Variants in GRID2 observed in about 807,000 individuals in gnomAD.
GRID2 encodes the protein glutamate ionotropic receptor delta type subunit 2.
In GRID2, 33 loss-of-function variants were observed where a neutral mutation model predicts 114.8. The ratio of observed to expected loss-of-function variants is 0.29; its 90% CI spans 0.22 to 0.38. GRID2 has a LOEUF of 0.38. Among genes scored for constraint, GRID2 ranks in the 10% least tolerant of loss-of-function variants. The pLI is 1.00. For missense variants in GRID2, 1,184 were observed against 1,257.7 expected (o/e 0.94, Z 0.89); for synonymous variants, 505 against 449.9 (o/e 1.12, Z -1.55).
intron 2 of GRID2, among the ~76,000 whole-genome samples, chr4:92,633,462 T>C (rs1356318767): frequency 6.6e-6 from 1 of 152,188 alleles, no homozygotes; most frequent in Non-Finnish European, 1.5e-5. Flanking sequence ...ATTTTCATTT[T>C]GTTAGATAGC....
intron 1 of GRID2, among the ~76,000 whole-genome samples, chr4:93,783,599 A>C (rs1734525119): frequency 6.6e-6 from 1 of 152,202 alleles, no homozygotes; most frequent in African/African-American, 2.4e-5. Flanking sequence ...GGAGCTTAGA[A>C]AACACAAACA....
At chr4:93,405,013 T>A (rs1389300237) in intron 9 of GRID2, among the ~76,000 whole-genome samples, 1 of 152,100 alleles carries the variant, frequency 6.6e-6, no homozygotes, top group African/African-American at 2.4e-5. Flanking sequence ...GAAGGTAATA[T>A]TGTATGATGT....
At chr4:92,414,165 C>T (rs867325019) in intron 1 of GRID2, among the ~76,000 whole-genome samples, 4 of 152,140 alleles carry the variant, frequency 2.6e-5, no homozygotes, top group South Asian at 2.1e-4. Flanking sequence ...TTGTATCTTA[C>T]TGTCTGAGAC....
chr4:93,279,918 A>C (rs564047435), intron 8 of GRID2, among the ~76,000 whole-genome samples: 1 of 152,066 alleles, frequency 6.6e-6, no homozygotes, highest in East Asian at 1.9e-4. Flanking sequence ...TGTATGCGAA[A>C]CTGCGGAGTT....
intron 14 of GRID2, among the ~76,000 whole-genome samples, chr4:93,758,308 C>A (rs1293516078): frequency 6.6e-6 from 1 of 152,190 alleles, no homozygotes; most frequent in Non-Finnish European, 1.5e-5. Flanking sequence ...ATCTAACTCA[C>A]TCCTGGCTGA....
At position 92,565,650 on chromosome 4, in the gene GRID2, G is replaced by C. The variant is rs554668543; in HGVS notation, c.89-24481G>C. Among the ~76,000 whole-genome samples, 5 of 151,972 alleles carry C rather than the reference G, an allele frequency of 3.3e-5. 1 individual carries two copies. In the East Asian group the frequency reaches 9.7e-4, roughly 29 times the overall value. ...TATCTGACTTCAGTTTCTACTACTA[G>C]TTCCTAACGCAGCGGTACAGTTCCT... On this transcript the variant is annotated intron_variant, in intron 1 of 15. Transcript: ENST00000282020.
At chr4:92,758,486 A>G (rs1737836709) in intron 2 of GRID2, among the ~76,000 whole-genome samples, 1 of 152,044 alleles carries the variant, frequency 6.6e-6, no homozygotes, top group Non-Finnish European at 1.5e-5. Context: ...TTTTGAGTCA[A>G]ATAGGCCTGA....
intron 13 of GRID2, among the ~76,000 whole-genome samples, chr4:93,559,939 G>T (rs752422110): frequency 6.6e-6 from 1 of 152,036 alleles, no homozygotes; most frequent in Admixed American, 6.6e-5. Context: ...GGACATAGAT[G>T]AAGCTGGAAA....
chr4:92,956,533 A>G (rs1351266364), intron 2 of GRID2, among the ~76,000 whole-genome samples: 1 of 151,738 alleles, frequency 6.6e-6, no homozygotes, highest in Non-Finnish European at 1.5e-5. Context: ...ATAATATTCC[A>G]CTCTCTAGAT....
At chr4:92,917,751 A>ACCCTTGTAGT (rs1395849540) in intron 2 of GRID2, among the ~76,000 whole-genome samples, 4 of 152,126 alleles carry the variant, frequency 2.6e-5, no homozygotes, top group Non-Finnish European at 4.4e-5. Flanking sequence ...TGGTTACTGT[A>ACCCTTGTAGT]CCCTTGTAGT....
chr4:93,751,124 A>G (rs971776992), intron 14 of GRID2, among the ~76,000 whole-genome samples: 6 of 152,230 alleles, frequency 3.9e-5, no homozygotes, highest in Admixed American at 6.5e-5. Flanking sequence ...ATGCACTGAC[A>G]TTATCAATAA....
rs1431240633 is a variant in GRID2 at position 93,601,362 on chromosome 4, A to G, written c.2194-24907A>G. The stretch of plus-strand genomic sequence containing the variant: ...ATCATATCCTACCCAACATAAATAC[A>G]TGGGTGTCCTGGAACATGTCCCATT... On this transcript the variant is annotated intron_variant, in intron 13 of 15. Transcript: ENST00000282020. 3.3e-5 allele frequency among the ~76,000 whole-genome samples: 5 copies of G among 152,154 alleles called. No individual in the cohort carries two copies. The South Asian group carries it at 1.0e-3, about 31-fold the overall frequency.
At chr4:92,777,911 G>C (rs112009647) in intron 2 of GRID2, among the ~76,000 whole-genome samples, 3 of 152,134 alleles carry the variant, frequency 2.0e-5, no homozygotes, top group African/African-American at 7.2e-5. Flanking sequence ...GTGGTATTGG[G>C]TATTTTGTTA....
intron 2 of GRID2, among the ~76,000 whole-genome samples, chr4:92,639,085 C>T (rs1731220709): frequency 1.3e-5 from 2 of 151,316 alleles, no homozygotes; most frequent in Non-Finnish European, 3.0e-5. Flanking sequence ...TGAAACTCTT[C>T]CCTCATAATT....
At chr4:93,411,969 A>C (rs1459607517) in intron 9 of GRID2, among the ~76,000 whole-genome samples, 1 of 151,852 alleles carries the variant, frequency 6.6e-6, no homozygotes, top group African/African-American at 2.4e-5. Context: ...AAAGAAAAAA[A>C]CAAACCAATC....
chr4:93,515,529 G>T, intron 13 of GRID2, 118 bp downstream of exon 13: 1 of 662,962 alleles, frequency 1.5e-6, no homozygotes, highest in East Asian at 2.7e-5. Flanking sequence ...AATGCTGACG[G>T]CAAATTTCCT....
intron 1 of GRID2, among the ~76,000 whole-genome samples, chr4:92,542,055 G>C (rs1725992742): frequency 6.6e-6 from 1 of 152,110 alleles, no homozygotes; most frequent in African/African-American, 2.4e-5. Flanking sequence ...ATATCACAAT[G>C]TAATAACTGT....
intron 2 of GRID2, among the ~76,000 whole-genome samples, chr4:92,805,791 T>C (rs1560602802): frequency 6.6e-6 from 1 of 151,882 alleles, no homozygotes; most frequent in Non-Finnish European, 1.5e-5. Context: ...AGTGAAACTC[T>C]CTCTTAAAAG....
intron 2 of GRID2, among the ~76,000 whole-genome samples, chr4:92,710,967 A>G (rs1351303695): frequency 6.6e-6 from 1 of 151,980 alleles, no homozygotes; most frequent in Non-Finnish European, 1.5e-5. Flanking sequence ...AGGATAAAGA[A>G]TAAACCTTAT....
Sources: allele counts gnomAD v4.1 joint callset (sites outside exome capture counted in the v4.1 genomes callset), GRCh38; gene constraint gnomAD v4.1.1; transcripts MANE v1.5; gene names NCBI Gene and HGNC (gene_info 2026-07-23, HGNC 2026-07-21).